The following CPQ variants were observed in gnomAD, a reference collection of about 807,000 sequenced individuals.
The protein encoded by CPQ is carboxypeptidase Q.
CPQ carries 37 observed loss-of-function variants against 45.7 expected under a neutral mutation model. The ratio of observed to expected loss-of-function variants is 0.81; its 90% CI spans 0.62 to 1.07. CPQ has a LOEUF of 1.07. CPQ is among the 50% of genes least tolerant of loss of function. The probability of loss-of-function intolerance (pLI) is 0.00; values close to 1 mark genes in which losing one functional copy is unlikely to be tolerated. For synonymous variants in CPQ, 186 were observed against 205.8 expected, an observed-to-expected ratio of 0.90 and a Z score of 0.82; for missense variants, 537 against 572.9, an observed-to-expected ratio of 0.94 and a Z score of 0.64.
At chr8:96,940,618 T>C (rs188827448) in intron 4 of CPQ, among the ~76,000 whole-genome samples, 39 of 152,310 alleles carry the variant, frequency 2.6e-4, no homozygotes, top group Admixed American at 2.2e-3. Context: ...AGAAGGAAAC[T>C]TGACTTCTGT....
chr8:96,713,010 AC>A, intron 1 of CPQ, among the ~76,000 whole-genome samples: 1 of 152,274 alleles, frequency 6.6e-6, no homozygotes, highest in Middle Eastern at 3.4e-3. Context: ...TCAAAGTTAC[AC>A]AGATCTCTGG....
At chr8:96,673,348 A>G (rs1586353324) in intron 1 of CPQ, among the ~76,000 whole-genome samples, 1 of 152,108 alleles carries the variant, frequency 6.6e-6, no homozygotes, top group Admixed American at 6.6e-5. Flanking sequence ...CATCCTACAT[A>G]AATGAGGTAG....
At chr8:96,832,217 G>C (rs1022501044) in intron 2 of CPQ, among the ~76,000 whole-genome samples, 1 of 152,122 alleles carries the variant, frequency 6.6e-6, no homozygotes, top group African/African-American at 2.4e-5. Flanking sequence ...TTGTGTTCAA[G>C]TTTTTGTACT....
Position 97,029,482 on chromosome 8 carries a change from T to C in CPQ, c.1041T>C (p.Tyr347=). 6.2e-7 allele frequency: 1 copy of C among 1,604,382 alleles called. No individual in the cohort carries two copies. The part of the protein sequence containing the change: ...EQGGVGAFQY[Y]QLHKVNISNY... ...GTGGAGTTGGTGCCTTCCAGTATTA[T>C]CAGTTACACAAGGTAAAAACCCAGC... The change falls in exon 6 of 8, where the codon TAT becomes TAC. Residue 347 remains tyrosine, a synonymous_variant. Transcript: ENST00000220763.
chr8:96,792,462 T>C (rs182507403), intron 2 of CPQ, among the ~76,000 whole-genome samples: 12 of 152,244 alleles, frequency 7.9e-5, no homozygotes, highest in East Asian at 1.9e-4. Context: ...TTAATCCTCA[T>C]TGGAGACTGA....
rs1809467030 is a variant in CPQ, at chr8:96,701,883, C to T, written c.-35+56481C>T. Among the ~76,000 whole-genome samples, 3 of 152,196 alleles carry T rather than the reference C, an allele frequency of 2.0e-5. No individual in the cohort carries two copies. The South Asian group carries it at 6.2e-4, about 31-fold the overall frequency. ...TTTGTGCAATAGCTGTTGTATCTCA[C>T]TCATCCCTTCTACTAATTGGCTCTG... On this transcript the variant is annotated intron_variant, in intron 1 of 7. Coordinates refer to ENST00000220763, the MANE Select transcript of CPQ (RefSeq NM_016134.4).
At chr8:96,834,455 G>T (rs1811499494) in intron 2 of CPQ, among the ~76,000 whole-genome samples, 1 of 152,128 alleles carries the variant, frequency 6.6e-6, no homozygotes, top group African/African-American at 2.4e-5. Context: ...TTAACCATTT[G>T]TTGAAAGTTT....
chr8:97,025,529 C>T (rs995641775), intron 5 of CPQ, among the ~76,000 whole-genome samples: 16 of 152,156 alleles, frequency 1.1e-4, no homozygotes, highest in African/African-American at 3.4e-4. Flanking sequence ...AGCTAAGACT[C>T]GGCATGGTCC....
At chr8:97,126,808 C>T (rs553953275) in intron 7 of CPQ, among the ~76,000 whole-genome samples, 2 of 152,076 alleles carry the variant, frequency 1.3e-5, no homozygotes, top group Non-Finnish European at 2.9e-5. Flanking sequence ...TAATCAAAGT[C>T]ATGTGGTATT....
At chr8:97,089,046 C>T (rs932524283) in intron 7 of CPQ, among the ~76,000 whole-genome samples, 14 of 152,088 alleles carry the variant, frequency 9.2e-5, no homozygotes, top group Admixed American at 3.3e-4. Context: ...GAGTTTGAGA[C>T]GAACCTGACC....
At position 96,986,682 on chromosome 8, in the gene CPQ, C is replaced by T. The variant is rs1393412857; in HGVS notation, c.961+20636C>T. 5.3e-5 allele frequency among the ~76,000 whole-genome samples: 8 copies of T among 152,196 alleles called. No individual in the cohort carries two copies. In the East Asian group the frequency reaches 1.4e-3, roughly 26 times the overall value. On this transcript the variant is annotated intron_variant, in intron 5 of 7. Coordinates refer to ENST00000220763, the MANE Select transcript of CPQ (RefSeq NM_016134.4). Reference sequence around the variant, plus strand: ...ACAGTGGGAGGGTGAATCAGGAAGCCATCAGGAGATGCAGCCCTCTTGCTG... The same window carrying T: ...ACAGTGGGAGGGTGAATCAGGAAGCTATCAGGAGATGCAGCCCTCTTGCTG...
In CPQ at chr8:97,066,865, G is replaced by A. The variant is rs180706440; in HGVS notation, c.1255+655G>A. Among the ~76,000 whole-genome samples, 252 of 151,286 alleles carry A rather than the reference G, an allele frequency of 1.7e-3. 3 individuals are homozygous for A. Among genetic ancestry groups the A allele is most frequent in the Admixed American group, 0.013 (191 of 15,160 alleles). On this transcript the variant is annotated intron_variant, in intron 7 of 7. Transcript: ENST00000220763. ...AGGGATGAAATTATGAAATGGGAGC[G>A]GACATGAGGAGGTTACTTACAGAAA...
chr8:97,063,151 T>A (rs1810580079), intron 6 of CPQ, among the ~76,000 whole-genome samples: 2 of 152,042 alleles, frequency 1.3e-5, no homozygotes, highest in South Asian at 2.1e-4. Context: ...GTACTTTTTT[T>A]AGTTTTTAAT....
chr8:96,726,611 T>G (rs1480767341), intron 1 of CPQ, among the ~76,000 whole-genome samples: 4 of 152,192 alleles, frequency 2.6e-5, no homozygotes, highest in South Asian at 2.1e-4. Flanking sequence ...CTCACTATCT[T>G]AAGGACAGTG....
intron 5 of CPQ, among the ~76,000 whole-genome samples, chr8:96,977,507 G>T (rs780346401): frequency 5.9e-5 from 9 of 152,078 alleles, no homozygotes; most frequent in Non-Finnish European, 1.2e-4. Flanking sequence ...CAGAGGAAAA[G>T]AAGTCAGTAT....
At chr8:96,849,930 T>C (rs1435899957) in intron 3 of CPQ, among the ~76,000 whole-genome samples, 1 of 152,220 alleles carries the variant, frequency 6.6e-6, no homozygotes, top group African/African-American at 2.4e-5. Flanking sequence ...AGCTTGGGGC[T>C]GAAGGTCATT....
At chr8:96,697,684 A>T (rs1809404104) in intron 1 of CPQ, among the ~76,000 whole-genome samples, 1 of 152,220 alleles carries the variant, frequency 6.6e-6, no homozygotes, top group Non-Finnish European at 1.5e-5. Context: ...AAATCAACAT[A>T]TAAAAATGAG....
chr8:96,757,300 G>A (rs557499103), intron 1 of CPQ, among the ~76,000 whole-genome samples: 8 of 151,106 alleles, frequency 5.3e-5, no homozygotes, highest in Middle Eastern at 3.5e-3. Context: ...GCAGTGAGCC[G>A]AGATCACGCC....
chr8:97,087,040 T>G (rs1448986398), intron 7 of CPQ, among the ~76,000 whole-genome samples: 1 of 152,188 alleles, frequency 6.6e-6, no homozygotes, highest in Non-Finnish European at 1.5e-5. Context: ...TGACAATTAG[T>G]CAAGTGTCTG....
Sources: allele counts gnomAD v4.1 joint callset (sites outside exome capture counted in the v4.1 genomes callset), GRCh38; gene constraint gnomAD v4.1.1; transcripts MANE v1.5; gene names NCBI Gene and HGNC (gene_info 2026-07-23, HGNC 2026-07-21).